The following SLC17A1 variants were observed in gnomAD, a reference collection of about 807,000 sequenced individuals.
The protein encoded by SLC17A1 is sodium-dependent phosphate transport protein 1.
In SLC17A1, 51 loss-of-function variants were observed where a neutral mutation model predicts 53.5. That is an observed-to-expected ratio of 0.95 (90% CI 0.76 to 1.20). The LOEUF (loss-of-function observed/expected upper bound fraction) is 1.20, where lower values mean the gene tolerates loss of function less well. Among genes scored for constraint, SLC17A1 ranks in the 50% most tolerant of loss-of-function variants. The pLI is 0.00. For missense variants in SLC17A1, 538 were observed against 568.2 expected, an observed-to-expected ratio of 0.95 and a Z score of 0.54; for synonymous variants, 179 against 198.8, an observed-to-expected ratio of 0.90 and a Z score of 0.84.
the SLC17A1 span, among the ~76,000 whole-genome samples, chr6:25,738,258 A>G: frequency 6.6e-6 from 1 of 152,200 alleles, no homozygotes; most frequent in Non-Finnish European, 1.5e-5. Flanking sequence ...ACACACAGAT[A>G]GTCCTACACA....
At chr6:25,786,892 A>T (rs533289228) in intron 12 of SLC17A1, among the ~76,000 whole-genome samples, 1 of 152,280 alleles carries the variant, frequency 6.6e-6, no homozygotes, top group African/African-American at 2.4e-5. Flanking sequence ...TCCCAGCTGG[A>T]GACACAGGGA....
the SLC17A1 span, among the ~76,000 whole-genome samples, chr6:25,774,901 G>A: frequency 3.3e-5 from 5 of 152,242 alleles, no homozygotes; most frequent in African/African-American, 1.2e-4. Flanking sequence ...TGAACCAGGT[G>A]AGTGCTGAAT....
At chr6:25,811,272 T>C (rs1169387225) in intron 10 of SLC17A1, 126 bp downstream of exon 10, 10 of 1,030,124 alleles carry the variant, frequency 9.7e-6, no homozygotes, top group Non-Finnish European at 1.4e-5. Flanking sequence ...GTAATGCATA[T>C]GTTACTTTGC....
chr6:25,736,174 C>T, the SLC17A1 span, among the ~76,000 whole-genome samples: 1 of 152,096 alleles, frequency 6.6e-6, no homozygotes, highest in Non-Finnish European at 1.5e-5. Context: ...CTGAGGACTT[C>T]AGTCCCAGCA....
At chr6:25,778,443 A>G (rs1763121708), downstream of SLC17A1, among the ~76,000 whole-genome samples, 1 of 152,126 alleles carries the variant, frequency 6.6e-6, no homozygotes, top group African/African-American at 2.4e-5. Flanking sequence ...GTTCCCTCCC[A>G]GGCACTAGCA....
chr6:25,806,858 G>A (rs1054079860), intron 10 of SLC17A1, among the ~76,000 whole-genome samples: 1 of 151,850 alleles, frequency 6.6e-6, no homozygotes, highest in African/African-American at 2.4e-5. Flanking sequence ...CAAAAAGTGG[G>A]CAATTGGCAT....
chr6:25,770,601 A>C, the SLC17A1 span: 4 of 807,504 alleles, frequency 5.0e-6, no homozygotes, highest in South Asian at 6.0e-5. Flanking sequence ...GCACTACCCC[A>C]TACTGCCTTA....
chr6:25,781,189 AAAG>A (rs1205498614), downstream of SLC17A1: 4 of 137,708 alleles, frequency 2.9e-5, no homozygotes, highest in African/African-American at 8.1e-5. Flanking sequence ...AGAAAGAAAG[AAAG>A]AAAGAAAGAA....
At chr6:25,826,304 A>C (rs1423693452) in intron 3 of SLC17A1, among the ~76,000 whole-genome samples, 157 bp downstream of exon 3, 1 of 152,140 alleles carries the variant, frequency 6.6e-6, no homozygotes, top group Non-Finnish European at 1.5e-5. Context: ...TACTTTAATC[A>C]TGGGACATTT....
chr6:25,726,548 C>T, the SLC17A1 span: 1 of 1,593,112 alleles, frequency 6.3e-7, no homozygotes, highest in Non-Finnish European at 8.6e-7. Context: ...CAAATTGCAG[C>T]AACACGAGAA....
At chr6:25,801,430 A>G (rs1763755756) in intron 10 of SLC17A1, among the ~76,000 whole-genome samples, 1 of 152,210 alleles carries the variant, frequency 6.6e-6, no homozygotes, top group Non-Finnish European at 1.5e-5. Context: ...GTTTACAAGC[A>G]ACTATAATTG....
chr6:25,726,061 G>C, the SLC17A1 span: 1 of 1,357,380 alleles, frequency 7.4e-7, no homozygotes. Context: ...TTTCTGAGAC[G>C]GTAGGTGGCT....
downstream of SLC17A1, chr6:25,778,904 T>G: frequency 1.1e-6 from 1 of 924,326 alleles, no homozygotes; most frequent in East Asian, 2.4e-5. Flanking sequence ...GGCAGAAATG[T>G]ACTTGAGTAT....
chr6:25,790,694 A>C (rs1233814552), intron 12 of SLC17A1, among the ~76,000 whole-genome samples: 1 of 152,206 alleles, frequency 6.6e-6, no homozygotes, highest in African/African-American at 2.4e-5. Context: ...CAATCTAAAA[A>C]AGAACAAAAA....
chr6:25,778,558 T>C (rs1465491922), downstream of SLC17A1, among the ~76,000 whole-genome samples: 5 of 152,158 alleles, frequency 3.3e-5, no homozygotes, highest in Non-Finnish European at 7.4e-5. Flanking sequence ...TATTAAACAG[T>C]AGTATGTGCT....
the SLC17A1 span, among the ~76,000 whole-genome samples, chr6:25,768,627 T>C: frequency 6.6e-6 from 1 of 152,148 alleles, no homozygotes; most frequent in Admixed American, 6.5e-5. Context: ...CAGTTTCCTC[T>C]CTCTCACTGT....
chr6:25,752,946 C>T, the SLC17A1 span, among the ~76,000 whole-genome samples: 3 of 148,200 alleles, frequency 2.0e-5, no homozygotes, highest in African/African-American at 7.4e-5. Context: ...TCTGAGACTC[C>T]GTCTCAAAAA....
At chr6:25,814,404 CTT>C (rs1257769282) in intron 6 of SLC17A1, among the ~76,000 whole-genome samples, 1 of 152,138 alleles carries the variant, frequency 6.6e-6, no homozygotes, top group Non-Finnish European at 1.5e-5. Flanking sequence ...TTTATTATCT[CTT>C]TTTCAAAATG....
At chr6:25,744,011 G>T in the SLC17A1 span, among the ~76,000 whole-genome samples, 1 of 152,284 alleles carries the variant, frequency 6.6e-6, no homozygotes, top group Non-Finnish European at 1.5e-5. Context: ...AGAGAAAAGG[G>T]CAAGGTCCAT....
Sources: allele counts gnomAD v4.1 joint callset (sites outside exome capture counted in the v4.1 genomes callset), GRCh38; gene constraint gnomAD v4.1.1; transcripts MANE v1.5; gene names NCBI Gene and HGNC (gene_info 2026-07-23, HGNC 2026-07-21).